The following NOX4 variants were observed in gnomAD, a reference collection of about 807,000 sequenced individuals.
NOX4 encodes NADPH oxidase 4, also known as kidney oxidase-1.
NOX4 carries 69 observed loss-of-function variants against 87.6 expected under a neutral mutation model. That is an observed-to-expected ratio of 0.79 (90% CI 0.65 to 0.96). The LOEUF is 0.96. Ranked by LOEUF, NOX4 falls within the 40% of genes least tolerant of loss-of-function variation. The probability of loss-of-function intolerance (pLI) is 0.00; values close to 1 mark genes in which losing one functional copy is unlikely to be tolerated. For missense variants in NOX4, 680 were observed against 681.5 expected, an observed-to-expected ratio of 1.00 and a Z score of 0.02; for synonymous variants, 275 against 238.2, an observed-to-expected ratio of 1.15 and a Z score of -1.42.
the NOX4 span, chr11:89,577,640 T>C: frequency 6.6e-6 from 1 of 152,160 alleles, no homozygotes; most frequent in East Asian, 1.9e-4. Flanking sequence ...GGGATTCAGC[T>C]CCTCTCCAGC....
At chr11:89,538,293 G>A in the NOX4 span, among the ~76,000 whole-genome samples, 1 of 152,092 alleles carries the variant, frequency 6.6e-6, no homozygotes, top group African/African-American at 2.4e-5. Flanking sequence ...CTATAAGCAG[G>A]TTAATCTGAT....
chr11:89,414,569 T>C (rs1942659428), intron 8 of NOX4, among the ~76,000 whole-genome samples: 1 of 147,814 alleles, frequency 6.8e-6, no homozygotes, highest in South Asian at 2.1e-4. Flanking sequence ...TTCATTGTTA[T>C]TTTCAGGTTA....
chr11:89,480,619 A>C (rs1416378164), intron 2 of NOX4, among the ~76,000 whole-genome samples: 1 of 152,120 alleles, frequency 6.6e-6, no homozygotes, highest in Non-Finnish European at 1.5e-5. Context: ...TTAGGTGCTT[A>C]TAATCAATGC....
intron 8 of NOX4, 75 bp from the exon 9 acceptor site, chr11:89,402,617 A>C (rs1448576840): frequency 1.6e-6 from 2 of 1,213,570 alleles, no homozygotes; most frequent in Non-Finnish European, 2.4e-6. Context: ...AAAGAAAATA[A>C]TGTTTTTGTT....
intron 2 of NOX4, among the ~76,000 whole-genome samples, chr11:89,482,981 C>T (rs539958565): frequency 6.6e-6 from 1 of 152,164 alleles, no homozygotes; most frequent in Non-Finnish European, 1.5e-5. Context: ...CTGGGCTTCT[C>T]TACTAGTCAG....
chr11:89,333,514 T>A (rs1945563509), intron 17 of NOX4, among the ~76,000 whole-genome samples: 1 of 151,794 alleles, frequency 6.6e-6, no homozygotes, highest in Admixed American at 6.6e-5. Context: ...CCAGAAGGGT[T>A]TAATGCAATT....
At chr11:89,548,297 C>T in the NOX4 span, 3 of 152,186 alleles carry the variant, frequency 2.0e-5, no homozygotes, top group Admixed American at 1.3e-4. Flanking sequence ...AGAATGCTAA[C>T]TAGCTCTGCT....
chr11:89,449,478 A>C lies in NOX4; in HGVS notation c.311T>G (p.Phe104Cys), dbSNP rs772707929. ...TRRLLDKSRT[F>C]HITCGVTICI... ...GATAGTAACACCACAGGTAATATGG[A>C]ATGTTCTGCTTTTATCCAACAATCT... is the stretch of plus-strand genomic sequence containing the variant. Residue 104 changes from phenylalanine (F) to cysteine (C), a missense_variant, in exon 4 of 18, where the codon TTC (phenylalanine) becomes TGC (cysteine). Phe to Cys is a radical substitution (Grantham distance 205). Coordinates refer to ENST00000263317, the MANE Select transcript of NOX4 (RefSeq NM_016931.5). 30 of 1,612,136 alleles carry C rather than the reference A, an allele frequency of 1.9e-5. No homozygotes were observed. In the East Asian group the frequency reaches 6.3e-4, roughly 34 times the overall value.
At chr11:89,580,513 C>A in the NOX4 span, among the ~76,000 whole-genome samples, 1 of 152,120 alleles carries the variant, frequency 6.6e-6, no homozygotes, top group Non-Finnish European at 1.5e-5. Flanking sequence ...GTAAATGTAA[C>A]TAATTTAATA....
At chr11:89,552,372 T>C in the NOX4 span, among the ~76,000 whole-genome samples, 2 of 152,198 alleles carry the variant, frequency 1.3e-5, no homozygotes, top group Non-Finnish European at 2.9e-5. Flanking sequence ...CTCATTTTAA[T>C]TTAGCCTTTG....
At chr11:89,424,778 G>A (rs180691633) in intron 7 of NOX4, among the ~76,000 whole-genome samples, 94 of 152,066 alleles carry the variant, frequency 6.2e-4, no homozygotes, top group Non-Finnish European at 1.0e-3. Context: ...CTTGAATTAG[G>A]AGGCTACATT....
At chr11:89,577,929 T>G in the NOX4 span, among the ~76,000 whole-genome samples, 1 of 152,102 alleles carries the variant, frequency 6.6e-6, no homozygotes, top group Non-Finnish European at 1.5e-5. Context: ...ATTGCATATT[T>G]CTAAGGCAAA....
At chr11:89,507,962 C>T in the NOX4 span, among the ~76,000 whole-genome samples, 1 of 151,980 alleles carries the variant, frequency 6.6e-6, no homozygotes, top group African/African-American at 2.4e-5. Context: ...CAGCTAAACA[C>T]ATTCAAAAGT....
At chr11:89,362,434 G>A (rs75063617) in intron 12 of NOX4, among the ~76,000 whole-genome samples, 2 of 151,942 alleles carry the variant, frequency 1.3e-5, no homozygotes, top group African/African-American at 4.8e-5. Flanking sequence ...TACTCTTCCA[G>A]CCATGCTGTC....
In NOX4 at chr11:89,342,214, G is replaced by A. The variant is rs757825205; in HGVS notation, c.1218-21C>T. 1.6e-5 allele frequency: 26 copies of A among 1,585,294 alleles called. 1 individual carries two copies. The highest frequency in any genetic ancestry group is 2.1e-5 in the Non-Finnish European group (25 of 1,165,950). ...ACAGCCTGTAGAGCAGTCAGAAAAA[G>A]GTGGGAAAAAAATGAAAATAAGTGA... is the stretch of plus-strand genomic sequence containing the variant. On this transcript the variant is annotated intron_variant, in intron 13 of 17. Coordinates refer to ENST00000263317, the MANE Select transcript of NOX4 (RefSeq NM_016931.5).
the NOX4 span, among the ~76,000 whole-genome samples, chr11:89,561,034 A>T: frequency 1.1e-5 from 1 of 93,850 alleles, no homozygotes; most frequent in South Asian, 3.5e-4. Flanking sequence ...ACACACACAC[A>T]TACACATATA....
chr11:89,421,910 A>T lies in NOX4; in HGVS notation c.621T>A (p.His207Gln). The change falls in exon 8 of 18, where the codon CAT becomes CAA. Residue 207 changes from histidine to glutamine, a missense_variant. His to Gln is a conservative substitution (Grantham distance 24). Coordinates refer to ENST00000263317, the MANE Select transcript of NOX4 (RefSeq NM_016931.5). ...FFVFYMLLTL[H>Q]VSGGLLKYQT... ...TACATTTGTAAACTTACCCTGAAAC[A>T]TGCAACGTCAGCAGCATGTAGAAGA... 6.4e-7 allele frequency: 1 copy of T among 1,567,840 alleles called. No homozygotes were observed. Among genetic ancestry groups the T allele is most frequent in the Non-Finnish European group, 8.6e-7 (1 of 1,159,678 alleles).
intron 13 of NOX4, among the ~76,000 whole-genome samples, chr11:89,347,224 C>T (rs1398671161): frequency 6.6e-6 from 1 of 152,180 alleles, no homozygotes; most frequent in Non-Finnish European, 1.5e-5. Flanking sequence ...AGGGCTCCTT[C>T]CTGACTAATC....
chr11:89,426,581 C>T (rs1007048764), intron 7 of NOX4, among the ~76,000 whole-genome samples: 7 of 152,152 alleles, frequency 4.6e-5, no homozygotes, highest in South Asian at 4.1e-4. Flanking sequence ...TTATATCCCA[C>T]GCATGTCTCA....
Sources: gnomAD v4.1 joint callset for allele counts (sites outside exome capture counted in the v4.1 genomes callset) on GRCh38, gnomAD v4.1.1 for gene constraint, MANE v1.5 for transcripts, NCBI Gene and HGNC (gene_info 2026-07-23, HGNC 2026-07-21) for gene names.